NKAPL: variants seen among roughly 807,000 people sequenced by gnomAD.
The protein encoded by NKAPL is NKAP-like protein.
In NKAPL, 7 loss-of-function variants were observed where a neutral mutation model predicts 14.7. The ratio of observed to expected loss-of-function variants is 0.48; its 90% CI spans 0.27 to 0.89. The LOEUF (loss-of-function observed/expected upper bound fraction) is 0.89, where lower values mean the gene tolerates loss of function less well. Among genes scored for constraint, NKAPL ranks in the 40% least tolerant of loss-of-function variants. The probability of loss-of-function intolerance (pLI) is 0.12; values close to 1 mark genes in which losing one functional copy is unlikely to be tolerated. For synonymous variants in NKAPL, 192 were observed against 179.9 expected (o/e 1.07, Z -0.54); for missense variants, 466 against 494.1 (o/e 0.94, Z 0.54).
At position 28,259,465 on chromosome 6, in the gene NKAPL, A is replaced by G; in HGVS notation, c.94A>G (p.Ser32Gly). 6.2e-7 allele frequency: 1 copy of G among 1,613,988 alleles called. No individual in the cohort carries two copies. The highest frequency in any genetic ancestry group is 8.5e-7 in the Non-Finnish European group (1 of 1,180,030). The change falls in exon 1 of 1, where the codon AGC becomes GGC. Residue 32 changes from serine to glycine, a missense_variant. Transcript: ENST00000343684. ...SSSGSPPSPQ[S>G]RCSSWDGCSR... is the part of the protein sequence containing the mutation. ...CTCGGGGAGCCCACCATCCCCGCAG[A>G]GCAGATGTTCCTCTTGGGATGGCTG... is the stretch of plus-strand genomic sequence containing the variant.
Position 28,260,562 on chromosome 6 carries a change from AGAG to A in NKAPL, c.1192_1194del (p.Glu398del), listed in dbSNP as rs755760820. On this transcript the variant is annotated inframe_deletion, in exon 1 of 1. Coordinates refer to ENST00000343684, the MANE Select transcript of NKAPL (RefSeq NM_001007531.3). ...GAGAGATGGTGCACAAAAAGACAAA[AGAG>A]AAAGATGACAAGTAAGGACTTACTT... is the stretch of plus-strand genomic sequence containing the variant. 2.5e-6 allele frequency: 4 copies of A among 1,612,028 alleles called. No individual in the cohort carries two copies. Among genetic ancestry groups the A allele is most frequent in the Non-Finnish European group, 2.5e-6 (3 of 1,179,134 alleles).
Position 28,259,663 on chromosome 6 carries a change from C to T in NKAPL, c.292C>T (p.Arg98Cys), listed in dbSNP as rs1355044313. ...CTCGTATAGTGGATATCGCTACCATCGTCACTGCTATGCAGAAGAACGGCA... is the reference window on the plus strand; with the variant it reads ...CTCGTATAGTGGATATCGCTACCATTGTCACTGCTATGCAGAAGAACGGCA... The part of the protein sequence containing the change: ...STSYSGYRYH[R>C]HCYAEERQSA... Residue 98 changes from arginine (R) to cysteine (C), a missense_variant, in exon 1 of 1, where the codon CGT (arginine) becomes TGT (cysteine). Transcript: ENST00000343684. 2 of 1,614,116 alleles carry T rather than the reference C, an allele frequency of 1.2e-6. No individual in the cohort carries two copies. The highest frequency in any genetic ancestry group is 1.3e-5 in the African/African-American group (1 of 74,954).
Position 28,259,445 on chromosome 6 carries a change from G to T in NKAPL, c.74G>T (p.Gly25Val). ...CGGAGAAGGCGACGCAGCTCCTCGG[G>T]GAGCCCACCATCCCCGCAGAGCAGA... The part of the protein sequence containing the change: ...GSRRRRRSSS[G>V]SPPSPQSRCS... The change falls in exon 1 of 1, where the codon GGG becomes GTG. Residue 25 changes from glycine (G) to valine (V), a missense_variant. Gly to Val is a moderately radical substitution (Grantham distance 109). Transcript: ENST00000343684. 1 of 1,612,822 alleles carries T rather than the reference G, an allele frequency of 6.2e-7. No homozygotes were observed. The highest frequency in any genetic ancestry group is 1.1e-5 in the South Asian group (1 of 91,048).
chr6:28,259,387 C>T lies in NKAPL; in HGVS notation c.16C>T (p.Arg6Trp). Residue 6 changes from arginine to tryptophan, a missense_variant, in exon 1 of 1, where the codon CGG becomes TGG. Coordinates refer to ENST00000343684, the MANE Select transcript of NKAPL (RefSeq NM_001007531.3). Reference protein sequence around the residue: MPPVSRSSYSEDIVGS... With the variant: MPPVSWSSYSEDIVGS... ...GGCGCGGCTCATGCCCCCAGTATCC[C>T]GGTCCAGCTATTCCGAGGACATCGT... 2 of 1,584,294 alleles carry T rather than the reference C, an allele frequency of 1.3e-6. No individual in the cohort carries two copies. The highest frequency in any genetic ancestry group is 1.7e-6 in the Non-Finnish European group (2 of 1,159,978).
At position 28,260,597 on chromosome 6, in the gene NKAPL, CAGCAGGA is replaced by C; in HGVS notation, c.*19_*25del. The C allele has an allele frequency of 6.3e-7, 1 of 1,593,334 alleles. No individual in the cohort carries two copies. The highest frequency in any genetic ancestry group is 1.8e-5 in the Admixed American group (1 of 56,338). Reference sequence around the variant, plus strand: ...GACAAGTAAGGACTTACTTGTTGCACAGCAGGAATTTTAACAACAAAAATTTTATGTG... The same window carrying C: ...GACAAGTAAGGACTTACTTGTTGCACATTTTAACAACAAAAATTTTATGTG... On this transcript the variant is annotated 3_prime_UTR_variant, in exon 1 of 1. Coordinates refer to ENST00000343684, the MANE Select transcript of NKAPL (RefSeq NM_001007531.3).
Position 28,259,339 on chromosome 6 carries a change from C to G in NKAPL, c.-33C>G. ...GCGAATCACCAGCCAGCCTCTGGGT[C>G]TGTAGCAACCGCCCAGCGTTGAGGC... On this transcript the variant is annotated 5_prime_UTR_variant, in exon 1 of 1. Coordinates refer to ENST00000343684, the MANE Select transcript of NKAPL (RefSeq NM_001007531.3). 6.6e-7 allele frequency: 1 copy of G among 1,522,132 alleles called. No homozygotes were observed. The highest frequency in any genetic ancestry group is 8.8e-7 in the Non-Finnish European group (1 of 1,131,012). The allele number at this position is 1,522,132 out of a possible 1,614,324, so 94.3% of individuals were successfully genotyped here.
In NKAPL at chr6:28,259,330, C is replaced by T. The variant is rs371175653; in HGVS notation, c.-42C>T. The T allele has an allele frequency of 3.5e-5, 52 of 1,492,578 alleles. No homozygotes were observed. The highest frequency in any genetic ancestry group is 4.5e-5 in the Non-Finnish European group (50 of 1,115,226). The allele number at this position is 1,492,578 out of a possible 1,614,324, so 92.5% of individuals were successfully genotyped here. A position where few individuals can be genotyped will look rare whatever the true frequency, so the allele number is the denominator to read the frequency against. ...TGCGTGGCCGCGAATCACCAGCCAG[C>T]CTCTGGGTCTGTAGCAACCGCCCAG... On this transcript the variant is annotated 5_prime_UTR_variant, in exon 1 of 1. Coordinates refer to ENST00000343684, the MANE Select transcript of NKAPL (RefSeq NM_001007531.3).
rs1467549962 is a variant in NKAPL at position 28,259,334 on chromosome 6, T to A, written c.-38T>A. 2.0e-5 allele frequency: 30 copies of A among 1,504,832 alleles called. No homozygotes were observed. The highest frequency in any genetic ancestry group is 2.7e-5 in the Non-Finnish European group (30 of 1,123,332). 93.2% of individuals were successfully genotyped at this position (1,504,832 alleles called of 1,614,324 possible). A position where few individuals can be genotyped will look rare whatever the true frequency, so the allele number is the denominator to read the frequency against. ...TGGCCGCGAATCACCAGCCAGCCTC[T>A]GGGTCTGTAGCAACCGCCCAGCGTT... On this transcript the variant is annotated 5_prime_UTR_variant, in exon 1 of 1. Coordinates refer to ENST00000343684, the MANE Select transcript of NKAPL (RefSeq NM_001007531.3).
rs746077705 is a variant in NKAPL, at chr6:28,259,575, C to T, written c.204C>T (p.Arg68=). Reference sequence around the variant, plus strand: ...TGGGCGCTCTTTACCCCTTTAGTCGCTCTGGGTCGCGAGGGCGGCTCCCAA... The same window carrying T: ...TGGGCGCTCTTTACCCCTTTAGTCGTTCTGGGTCGCGAGGGCGGCTCCCAA... ...LDVGALYPFS[R]SGSRGRLPRF... The change falls in exon 1 of 1, where the codon CGC becomes CGT. Residue 68 remains arginine (R), a synonymous_variant. Coordinates refer to ENST00000343684, the MANE Select transcript of NKAPL (RefSeq NM_001007531.3). The T allele has an allele frequency of 5.6e-6, 9 of 1,613,216 alleles. No homozygotes were observed. The highest frequency in any genetic ancestry group is 1.1e-5 in the South Asian group (1 of 91,086).
rs773526861 is a variant in NKAPL, at chr6:28,259,337, GTCTGTAGCA to G, written c.-34_-26del. On this transcript the variant is annotated 5_prime_UTR_variant, in exon 1 of 1. Transcript: ENST00000343684. Reference sequence around the variant, plus strand: ...CCGCGAATCACCAGCCAGCCTCTGGGTCTGTAGCAACCGCCCAGCGTTGAGGCGCGGCTC... The same window carrying G: ...CCGCGAATCACCAGCCAGCCTCTGGGACCGCCCAGCGTTGAGGCGCGGCTC... 1.2e-5 allele frequency: 19 copies of G among 1,521,166 alleles called. No homozygotes were observed. In the East Asian group the frequency reaches 2.8e-4, roughly 22 times the overall value. 94.2% of individuals were successfully genotyped at this position (1,521,166 alleles called of 1,614,324 possible).
rs146099656 is a variant in NKAPL at position 28,260,404 on chromosome 6, A to G, written c.1033A>G (p.Arg345Gly). 27 of 1,614,080 alleles carry G rather than the reference A, an allele frequency of 1.7e-5. No homozygotes were observed. The African/African-American group carries it at 2.3e-4, about 14-fold the overall frequency. ...CTCAGGTTATGTCATGAGTGGTAGC[A>G]GGCATCGCAGAATGGAGGCTGTACG... ...ECSGYVMSGS[R>G]HRRMEAVRLR... Residue 345 changes from arginine to glycine, a missense_variant, in exon 1 of 1, where the codon AGG (arginine) becomes GGG (glycine). Arg to Gly is a moderately radical substitution (Grantham distance 125). Transcript: ENST00000343684.
rs144553865 is a variant in NKAPL, at chr6:28,259,495, C to T, written c.124C>T (p.Arg42Cys). The change falls in exon 1 of 1, where the codon CGC (arginine) becomes TGC (cysteine). Residue 42 changes from arginine to cysteine, a missense_variant. Arg to Cys is a radical substitution (Grantham distance 180). Transcript: ENST00000343684. ...ATGTTCCTCTTGGGATGGCTGTTCCCGCTCTCACTCCCGCGGCCGTGAGGG... is the reference window on the plus strand; with the variant it reads ...ATGTTCCTCTTGGGATGGCTGTTCCTGCTCTCACTCCCGCGGCCGTGAGGG... ...SRCSSWDGCSRSHSRGREGLR... is the reference protein window; with the variant it reads ...SRCSSWDGCSCSHSRGREGLR... The T allele has an allele frequency of 2.3e-3, 3,641 of 1,614,186 alleles. 40 individuals carry two copies. The African/African-American group carries it at 0.027, about 12-fold the overall frequency.
In NKAPL at chr6:28,259,671, C is replaced by T. The variant is rs1761296189; in HGVS notation, c.300C>T (p.Cys100=). Residue 100 remains cysteine, a synonymous_variant, in exon 1 of 1, where the codon TGC becomes TGT. Coordinates refer to ENST00000343684, the MANE Select transcript of NKAPL (RefSeq NM_001007531.3). ...GTGGATATCGCTACCATCGTCACTGCTATGCAGAAGAACGGCAGTCAGCGG... is the reference window on the plus strand; with the variant it reads ...GTGGATATCGCTACCATCGTCACTGTTATGCAGAAGAACGGCAGTCAGCGG... ...SYSGYRYHRH[C]YAEERQSAED... is the part of the protein sequence containing the mutation. 1 of 1,614,114 alleles carries T rather than the reference C, an allele frequency of 6.2e-7. No homozygotes were observed.
Position 28,259,684 on chromosome 6 carries a change from C to G in NKAPL, c.313C>G (p.Arg105Gly). ...RYHRHCYAEE[R>G]QSAEDYEKEE... ...CCATCGTCACTGCTATGCAGAAGAACGGCAGTCAGCGGAAGACTACGAGAA... is the reference window on the plus strand; with the variant it reads ...CCATCGTCACTGCTATGCAGAAGAAGGGCAGTCAGCGGAAGACTACGAGAA... Residue 105 changes from arginine to glycine, a missense_variant, in exon 1 of 1, where the codon CGG becomes GGG. Transcript: ENST00000343684. 1.2e-6 allele frequency: 2 copies of G among 1,614,184 alleles called. No individual in the cohort carries two copies. Among genetic ancestry groups the G allele is most frequent in the Non-Finnish European group, 1.7e-6 (2 of 1,180,040 alleles).
Position 28,259,868 on chromosome 6 carries a change from G to A in NKAPL, c.497G>A (p.Ser166Asn). The A allele has an allele frequency of 6.2e-7, 1 of 1,614,120 alleles. No homozygotes were observed. The highest frequency in any genetic ancestry group is 8.5e-7 in the Non-Finnish European group (1 of 1,180,036). Residue 166 changes from serine (S) to asparagine (N), a missense_variant, in exon 1 of 1, where the codon AGC (serine) becomes AAC (asparagine). By Grantham distance (46) the Ser-to-Asn change is conservative. Transcript: ENST00000343684. Reference sequence around the variant, plus strand: ...GAAGAGGTAACGCATCAGAAAAGCAGCAGTTCAGATTCCAACTCGGAAGAA... The same window carrying A: ...GAAGAGGTAACGCATCAGAAAAGCAACAGTTCAGATTCCAACTCGGAAGAA... ...DEEEVTHQKS[S>N]SSDSNSEEHR...
rs1761315817 is a variant in NKAPL at position 28,260,232 on chromosome 6, C to A, written c.861C>A (p.Thr287=). 2.5e-6 allele frequency: 4 copies of A among 1,614,128 alleles called. No homozygotes were observed. Among genetic ancestry groups the A allele is most frequent in the Non-Finnish European group, 3.4e-6 (4 of 1,179,994 alleles). The stretch of plus-strand genomic sequence containing the variant: ...GGCCAGAAGCACCTATAATACATAC[C>A]TCTCAAGATGAAAAACCTTTGAAGT... ...LIGPEAPIIH[T]SQDEKPLKYG... is the part of the protein sequence containing the mutation. Residue 287 remains threonine, a synonymous_variant, in exon 1 of 1, where the codon ACC becomes ACA. Coordinates refer to ENST00000343684, the MANE Select transcript of NKAPL (RefSeq NM_001007531.3).
At position 28,259,935 on chromosome 6, in the gene NKAPL, A is replaced by G. The variant is rs1468458292; in HGVS notation, c.564A>G (p.Lys188=). The change falls in exon 1 of 1, where the codon AAA becomes AAG. Residue 188 remains lysine (K), a synonymous_variant. Transcript: ENST00000343684. ...CCAGTCGTTCAAGAAACAAGAAAAA[A>G]AGAAAGAATAAGTCGTCTAAAAGAA... The part of the protein sequence containing the change: ...KKTSRSRNKK[K]RKNKSSKRKH... The G allele has an allele frequency of 6.2e-7, 1 of 1,609,700 alleles. No individual in the cohort carries two copies. The highest frequency in any genetic ancestry group is 1.3e-5 in the African/African-American group (1 of 74,302).
chr6:28,259,740 GGAGA>G lies in NKAPL; in HGVS notation c.377_380del (p.Glu126GlyfsTer20), dbSNP rs745489248. The G allele has an allele frequency of 5.6e-6, 9 of 1,614,066 alleles. No homozygotes were observed. In the African/African-American group the frequency reaches 9.3e-5, roughly 17 times the overall value. ...AGAGCCATCGGCAGAGGAGGCTGAAGGAGAGAGAGAGGATTGGGGAATTGGGAGC... is the reference window on the plus strand; with the variant it reads ...AGAGCCATCGGCAGAGGAGGCTGAAGGAGAGAGGATTGGGGAATTGGGAGC... On this transcript the variant is annotated frameshift_variant, in exon 1 of 1. Transcript: ENST00000343684. LOFTEE classifies it low-confidence loss of function (END_TRUNC).
chr6:28,259,784 G>A lies in NKAPL; in HGVS notation c.413G>A (p.Gly138Glu), dbSNP rs1485425082. 1 of 1,614,172 alleles carries A rather than the reference G, an allele frequency of 6.2e-7. No homozygotes were observed. The highest frequency in any genetic ancestry group is 8.5e-7 in the Non-Finnish European group (1 of 1,180,018). ...IGELGAPEVWGPSPKFPQLDS... is the reference protein window; with the variant it reads ...IGELGAPEVWEPSPKFPQLDS... ...GAATTGGGAGCGCCTGAAGTGTGGG[G>A]GCCGTCTCCAAAGTTCCCTCAGCTA... Residue 138 changes from glycine (G) to glutamate (E), a missense_variant, in exon 1 of 1, where the codon GGG becomes GAG. Coordinates refer to ENST00000343684, the MANE Select transcript of NKAPL (RefSeq NM_001007531.3).
Sources: gnomAD v4.1 joint callset for allele counts on GRCh38, gnomAD v4.1.1 for gene constraint, MANE v1.5 for transcripts, NCBI Gene and HGNC (gene_info 2026-07-23, HGNC 2026-07-21) for gene names.